FAR1: variants seen among roughly 807,000 people sequenced by gnomAD.
FAR1 encodes fatty acyl-CoA reductase 1.
A neutral mutation model predicts 61.1 loss-of-function variants in FAR1; 22 were observed. That is an observed-to-expected ratio of 0.36 (90% CI 0.26 to 0.51). The LOEUF is 0.51. FAR1 is among the 20% of genes least tolerant of loss of function. The probability of loss-of-function intolerance (pLI) is 0.95; values close to 1 mark genes in which losing one functional copy is unlikely to be tolerated. For synonymous variants in FAR1, 206 were observed against 209.7 expected (o/e 0.98, Z 0.15); for missense variants, 359 against 626.9 (o/e 0.57, Z 4.56).
At chr11:13,680,403 T>G (rs931956760) in intron 1 of FAR1, among the ~76,000 whole-genome samples, 26 of 152,178 alleles carry the variant, frequency 1.7e-4, no homozygotes, top group African/African-American at 6.3e-4. Context: ...CAGAGGATGT[T>G]TTCTTTGATG....
chr11:13,710,337 T>C (rs1032792197), intron 4 of FAR1, among the ~76,000 whole-genome samples: 9 of 152,094 alleles, frequency 5.9e-5, no homozygotes, highest in African/African-American at 2.2e-4. Flanking sequence ...GAAAAAACTT[T>C]AACTTGATCT....
At chr11:13,700,086 C>T (rs926667322) in intron 2 of FAR1, among the ~76,000 whole-genome samples, 47 of 152,188 alleles carry the variant, frequency 3.1e-4, no homozygotes, top group Non-Finnish European at 5.3e-4. Context: ...TTAGCAAACT[C>T]CTTAACTGCT....
intron 1 of FAR1, among the ~76,000 whole-genome samples, chr11:13,679,676 T>C (rs1368105318): frequency 6.6e-6 from 1 of 152,248 alleles, no homozygotes; most frequent in East Asian, 1.9e-4. Flanking sequence ...ATTTTAGTGC[T>C]ACAAAACTGA....
Position 13,730,232 on chromosome 11 carries a change from T to C in FAR1, c.*1458T>C, listed in dbSNP as rs1178098906. On this transcript the variant is annotated 3_prime_UTR_variant, in exon 12 of 12. Transcript: ENST00000354817. The stretch of plus-strand genomic sequence containing the variant: ...TACATGGAGCTTTACATCTTAACTT[T>C]CTTTGTCAATTTAAATGCAATGTAT... 9.2e-6 allele frequency: 1 copy of C among 108,148 alleles called. No individual in the cohort carries two copies. Among genetic ancestry groups the C allele is most frequent in the Admixed American group, 9.2e-5 (1 of 10,832 alleles). The allele number at this position is 108,148 out of a possible 1,614,324, so 6.7% of individuals were successfully genotyped here.
At position 13,712,918 on chromosome 11, in the gene FAR1, T is replaced by C. The variant is rs562979720; in HGVS notation, c.888-48T>C. The C allele has an allele frequency of 2.0e-6, 3 of 1,474,452 alleles. No homozygotes were observed. The Admixed American group carries it at 5.1e-5, about 25-fold the overall frequency. The allele number at this position is 1,474,452 out of a possible 1,614,324, so 91.3% of individuals were successfully genotyped here. ...TACTATGTAGGACTTAGATTGGATA[T>C]GTTTGGCCTCTTATTATGATTAATT... On this transcript the variant is annotated intron_variant, in intron 7 of 11. Transcript: ENST00000354817.
At chr11:13,682,388 C>T (rs925058066) in intron 1 of FAR1, among the ~76,000 whole-genome samples, 1 of 152,154 alleles carries the variant, frequency 6.6e-6, no homozygotes, top group Non-Finnish European at 1.5e-5. Context: ...GGCCTGCAAA[C>T]TGTCTTCCTG....
At chr11:13,701,465 C>G (rs576180053) in intron 3 of FAR1, among the ~76,000 whole-genome samples, 2 of 152,012 alleles carry the variant, frequency 1.3e-5, no homozygotes, top group Non-Finnish European at 2.9e-5. Flanking sequence ...AGTTCTGAGG[C>G]TGAGGTGGGA....
In FAR1 at chr11:13,730,664, T is replaced by C. The variant is rs1040173013; in HGVS notation, c.*1890T>C. 3 of 152,126 alleles carry C rather than the reference T, an allele frequency of 2.0e-5. No homozygotes were observed. Among genetic ancestry groups the C allele is most frequent in the African/African-American group, 7.2e-5 (3 of 41,442 alleles). 9.4% of individuals were successfully genotyped at this position (152,126 alleles called of 1,614,324 possible). On this transcript the variant is annotated 3_prime_UTR_variant, in exon 12 of 12. Coordinates refer to ENST00000354817, the MANE Select transcript of FAR1 (RefSeq NM_032228.6). ...AATAGACTTAGAATCAGATGAATTGTCTGTGTGTCTTGCAAAAGAGTTGGG... is the reference window on the plus strand; with the variant it reads ...AATAGACTTAGAATCAGATGAATTGCCTGTGTGTCTTGCAAAAGAGTTGGG...
chr11:13,723,357 T>G, intron 10 of FAR1: 1 of 347,254 alleles, frequency 2.9e-6, no homozygotes, highest in Non-Finnish European at 5.3e-6. Context: ...AGAGTGAGAG[T>G]CTCTCAAAAA....
intron 3 of FAR1, among the ~76,000 whole-genome samples, chr11:13,705,431 A>C (rs1484190965): frequency 2.6e-5 from 4 of 152,080 alleles, no homozygotes; most frequent in African/African-American, 9.7e-5. Context: ...CAAGGCATAG[A>C]AGTGTTCCTC....
chr11:13,721,866 A>G lies in FAR1; in HGVS notation c.1257+7A>G. ...AAACCCTGAAGATAAAAAGGCAAGCAAGTATTTTCTGTTTTATATTAGAAA... is the reference window on the plus strand; with the variant it reads ...AAACCCTGAAGATAAAAAGGCAAGCGAGTATTTTCTGTTTTATATTAGAAA... On this transcript the variant is annotated splice_region_variant and intron_variant, in intron 10 of 11. Transcript: ENST00000354817. The surrounding 1 kb of genome is among the most constrained non-coding windows in gnomAD (Gnocchi z 4.2). 1 of 1,588,510 alleles carries G rather than the reference A, an allele frequency of 6.3e-7. No individual in the cohort carries two copies. Among genetic ancestry groups the G allele is most frequent in the Non-Finnish European group, 8.6e-7 (1 of 1,169,368 alleles).
chr11:13,713,839 G>A (rs1381554893), intron 8 of FAR1, among the ~76,000 whole-genome samples: 1 of 152,014 alleles, frequency 6.6e-6, no homozygotes, highest in Non-Finnish European at 1.5e-5. Context: ...TTAACTTTAT[G>A]ATAATTATTT....
At chr11:13,728,061 G>C (rs577221323) in intron 11 of FAR1, among the ~76,000 whole-genome samples, 1 of 151,862 alleles carries the variant, frequency 6.6e-6, no homozygotes, top group Admixed American at 6.6e-5. Context: ...TTACATTGCC[G>C]TCCTATCTTG....
intron 9 of FAR1, among the ~76,000 whole-genome samples, chr11:13,715,200 T>G (rs1241485667): frequency 6.6e-6 from 1 of 152,190 alleles, no homozygotes; most frequent in Non-Finnish European, 1.5e-5. Flanking sequence ...GGCAGCTTGC[T>G]GGAGAGATGA....
At chr11:13,670,092 C>G (rs1342036912) in intron 1 of FAR1, 1 of 152,022 alleles carries the variant, frequency 6.6e-6, no homozygotes, top group Non-Finnish European at 1.5e-5. Flanking sequence ...TAAACAGAGA[C>G]AGGGTTTGCT....
At chr11:13,691,168 G>A (rs746830122) in intron 1 of FAR1, among the ~76,000 whole-genome samples, 2 of 152,170 alleles carry the variant, frequency 1.3e-5, no homozygotes, top group African/African-American at 2.4e-5. Flanking sequence ...AAGATGGCAC[G>A]TTGTTGAACC....
intron 9 of FAR1, among the ~76,000 whole-genome samples, chr11:13,715,210 A>G (rs993647636): frequency 2.0e-5 from 3 of 152,150 alleles, no homozygotes; most frequent in African/African-American, 7.2e-5. Context: ...TGGAGAGATG[A>G]AAAAAATCAC....
At chr11:13,693,359 CTTTTGTTTGT>C (rs149784967) in intron 1 of FAR1, among the ~76,000 whole-genome samples, 3,713 of 152,186 alleles carry the variant, frequency 0.024, 139 homozygotes, top group African/African-American at 0.085. Context: ...ATGCTTTTTT[CTTTTGTTTGT>C]TTTTGTTTGC....
intron 1 of FAR1, among the ~76,000 whole-genome samples, chr11:13,683,502 C>T (rs545957778): frequency 1.3e-5 from 2 of 151,664 alleles, no homozygotes; most frequent in South Asian, 4.2e-4. Flanking sequence ...TGTTATTTGT[C>T]CATTTGCTCA....
Sources: allele counts gnomAD v4.1 joint callset (sites outside exome capture counted in the v4.1 genomes callset), GRCh38; gene constraint gnomAD v4.1.1; non-coding constraint Gnocchi (gnomAD v3.1); transcripts MANE v1.5; gene names NCBI Gene and HGNC (gene_info 2026-07-23, HGNC 2026-07-21).